PFKP: variants seen among roughly 807,000 people sequenced by gnomAD.
The protein encoded by PFKP is phosphofructokinase, platelet.
Under a neutral mutation model 94.3 loss-of-function variants are expected in PFKP, and 101 were observed. The ratio of observed to expected loss-of-function variants is 1.07; its 90% CI spans 0.91 to 1.26. The LOEUF (loss-of-function observed/expected upper bound fraction) is 1.26, where lower values mean the gene tolerates loss of function less well. PFKP is among the 50% of genes most tolerant of loss of function. The pLI, the probability that PFKP is intolerant of heterozygous loss-of-function variation, is 0.00. For missense variants in PFKP, 1,145 were observed against 1,103.3 expected, an observed-to-expected ratio of 1.04 and a Z score of -0.53; for synonymous variants, 573 against 432.6, an observed-to-expected ratio of 1.32 and a Z score of -4.03.
chr10:3,136,659 A>G lies in PFKP; in HGVS notation c.*80A>G. 1 of 1,484,702 alleles carries G rather than the reference A, an allele frequency of 6.7e-7. No homozygotes were observed. The highest frequency in any genetic ancestry group is 9.3e-7 in the Non-Finnish European group (1 of 1,080,654). The allele number at this position is 1,484,702 out of a possible 1,614,324, so 92.0% of individuals were successfully genotyped here. ...ACTTAAGTTATTTTATCAGCACTTT[A>G]TGCACGTATTATTGACATTAATACC... is the stretch of plus-strand genomic sequence containing the variant. On this transcript the variant is annotated 3_prime_UTR_variant, in exon 22 of 22. Coordinates refer to ENST00000381125, the MANE Select transcript of PFKP (RefSeq NM_002627.5).
At chr10:3,070,926 T>TTATTATTATTATTATTATTA (rs767737023) in intron 1 of PFKP, among the ~76,000 whole-genome samples, 3 of 148,378 alleles carry the variant, frequency 2.0e-5, no homozygotes, top group Middle Eastern at 3.5e-3. Flanking sequence ...TATTATTATT[T>TTATTATTATTATTATTATTA]TTGTAGAGAC....
rs1835381290 is a variant in PFKP, at chr10:3,104,858, G to A, written c.621-257G>A. ...GTCCTGGCACAGGCAGGCAGAAGGT[G>A]TCCAACGTGCAACTGGAGAGCGCAG... On this transcript the variant is annotated intron_variant, in intron 5 of 21. Coordinates refer to ENST00000381125, the MANE Select transcript of PFKP (RefSeq NM_002627.5). 10 of 559,988 alleles carry A rather than the reference G, an allele frequency of 1.8e-5. No homozygotes were observed. In the East Asian group the frequency reaches 2.8e-4, roughly 16 times the overall value. The allele number at this position is 559,988 out of a possible 1,614,324, so 34.7% of individuals were successfully genotyped here.
At chr10:3,102,887 G>T (rs540180650) in intron 4 of PFKP, among the ~76,000 whole-genome samples, 1 of 152,204 alleles carries the variant, frequency 6.6e-6, no homozygotes, top group Non-Finnish European at 1.5e-5. Context: ...CACGGTTCCC[G>T]CTTGTCCACC....
intron 14 of PFKP, among the ~76,000 whole-genome samples, chr10:3,118,392 C>T (rs768031654): frequency 6.6e-5 from 10 of 152,108 alleles, no homozygotes; most frequent in East Asian, 1.9e-4. Flanking sequence ...CACTTGAACC[C>T]GGGAGGCGGA....
intron 16 of PFKP, among the ~76,000 whole-genome samples, chr10:3,120,629 C>G (rs987554847): frequency 6.6e-6 from 1 of 151,982 alleles, no homozygotes; most frequent in African/African-American, 2.4e-5. Flanking sequence ...GTTTTTTTGC[C>G]AAGAGACAAT....
chr10:3,121,886 A>G (rs1161234258), intron 16 of PFKP, among the ~76,000 whole-genome samples: 3 of 134,282 alleles, frequency 2.2e-5, no homozygotes, highest in Non-Finnish European at 4.5e-5. Flanking sequence ...CAGTGCTGCA[A>G]TCGCTATTCA....
Position 3,094,262 on chromosome 10 carries a change from C to T in PFKP, c.187-5013C>T, listed in dbSNP as rs569263122. Among the ~76,000 whole-genome samples, 42 of 152,252 alleles carry T rather than the reference C, an allele frequency of 2.8e-4. 1 individual carries two copies. In the South Asian group the frequency reaches 6.8e-3, roughly 25 times the overall value. Reference sequence around the variant, plus strand: ...TGGGGCTGTTGGTTGTACAACTTACCGGAATTGTGCACTCTTAGCTTTGGC... The same window carrying T: ...TGGGGCTGTTGGTTGTACAACTTACTGGAATTGTGCACTCTTAGCTTTGGC... On this transcript the variant is annotated intron_variant, in intron 2 of 21. Transcript: ENST00000381125.
intron 2 of PFKP, among the ~76,000 whole-genome samples, chr10:3,086,414 C>A (rs1026450650): frequency 6.6e-6 from 1 of 152,230 alleles, no homozygotes; most frequent in African/African-American, 2.4e-5. Context: ...GAACAGAGTT[C>A]GGTCCCCGAC....
At chr10:3,101,192 C>G (rs1834962218) in intron 3 of PFKP, among the ~76,000 whole-genome samples, 173 bp from the exon 4 acceptor site, 1 of 152,190 alleles carries the variant, frequency 6.6e-6, no homozygotes, top group South Asian at 2.1e-4. Flanking sequence ...GAATGCTGGT[C>G]TGGGACTAAA....
intron 16 of PFKP, chr10:3,125,179 C>CA (rs1837814990): frequency 2.2e-6 from 3 of 1,349,384 alleles, no homozygotes; most frequent in Non-Finnish European, 3.0e-6. Context: ...GTGCCGGCCA[C>CA]GATTAGCAAC....
rs186587702 is a variant in PFKP, at chr10:3,114,072, A to G, written c.1371+554A>G. On this transcript the variant is annotated intron_variant, in intron 13 of 21. Transcript: ENST00000381125. The stretch of plus-strand genomic sequence containing the variant: ...GGGTGCACGAGGGAGGACTGGAAAC[A>G]GGATTCTGAGCTCCTGACCAGGGGC... Among the ~76,000 whole-genome samples the G allele has an allele frequency of 2.5e-3, 377 of 152,286 alleles. 2 individuals carry two copies. The highest frequency in any genetic ancestry group is 8.7e-3 in the African/African-American group (362 of 41,562).
At chr10:3,124,211 A>G (rs1162044086) in intron 16 of PFKP, among the ~76,000 whole-genome samples, 1 of 152,184 alleles carries the variant, frequency 6.6e-6, no homozygotes, top group African/African-American at 2.4e-5. Flanking sequence ...TTTCTGCAGC[A>G]GATGTGGGGA....
intron 2 of PFKP, among the ~76,000 whole-genome samples, chr10:3,098,058 A>C (rs924970652): frequency 1.3e-5 from 2 of 152,138 alleles, no homozygotes; most frequent in African/African-American, 4.8e-5. Context: ...TTCTGGTAGA[A>C]ATTTATAAAT....
At chr10:3,128,096 A>AGGACGGAC (rs57993510) in intron 16 of PFKP, among the ~76,000 whole-genome samples, 42 of 151,760 alleles carry the variant, frequency 2.8e-4, no homozygotes, top group East Asian at 2.3e-3. Flanking sequence ...GCCGTTGACC[A>AGGACGGAC]GGACGGACGG....
chr10:3,089,965 T>G (rs1274802757), intron 2 of PFKP, among the ~76,000 whole-genome samples: 1 of 152,158 alleles, frequency 6.6e-6, no homozygotes, highest in Non-Finnish European at 1.5e-5. Flanking sequence ...AATTTTTTAT[T>G]TAAGCTTAAA....
chr10:3,104,563 A>G (rs1391786083), intron 5 of PFKP, among the ~76,000 whole-genome samples: 2 of 152,198 alleles, frequency 1.3e-5, no homozygotes, highest in Non-Finnish European at 2.9e-5. Flanking sequence ...TCCTGTTCCC[A>G]GTGACGCCTC....
chr10:3,106,143 C>G (rs61835145), intron 7 of PFKP, among the ~76,000 whole-genome samples: 40,924 of 144,060 alleles, frequency 0.28, 7,801 homozygotes, highest in Non-Finnish European at 0.39. Flanking sequence ...TCGGGGCCTC[C>G]CCTGGGAGGG....
chr10:3,101,114 C>A, intron 3 of PFKP: 3 of 899,962 alleles, frequency 3.3e-6, no homozygotes, highest in South Asian at 1.4e-5. Context: ...TAACTGCTGG[C>A]TGCCGTGTGT....
chr10:3,091,365 G>A (rs545161544), intron 2 of PFKP, among the ~76,000 whole-genome samples: 8 of 152,168 alleles, frequency 5.3e-5, no homozygotes, highest in African/African-American at 7.2e-5. Context: ...AAGCTGGGGC[G>A]AGTCAGTTGG....
Sources: gnomAD v4.1 joint callset for allele counts (sites outside exome capture counted in the v4.1 genomes callset) on GRCh38, gnomAD v4.1.1 for gene constraint, MANE v1.5 for transcripts, NCBI Gene and HGNC (gene_info 2026-07-23, HGNC 2026-07-21) for gene names.